STPG2: variants seen among roughly 807,000 people sequenced by gnomAD.
The protein encoded by STPG2 is sperm tail PG-rich repeat containing 2, also known as sperm-tail PG-rich repeat-containing protein 2.
A neutral mutation model predicts 54.2 loss-of-function variants in STPG2; 56 were observed. The ratio of observed to expected loss-of-function variants is 1.03; its 90% CI spans 0.83 to 1.29. STPG2 has a LOEUF of 1.29. Among genes scored for constraint, STPG2 ranks in the 50% most tolerant of loss-of-function variants. The pLI is 0.00. For synonymous variants in STPG2, 200 were observed against 181.8 expected, an observed-to-expected ratio of 1.10 and a Z score of -0.81; for missense variants, 596 against 544.9, an observed-to-expected ratio of 1.09 and a Z score of -0.93.
intron 9 of STPG2, among the ~76,000 whole-genome samples, chr4:97,797,691 TG>T (rs1289434687): frequency 1.3e-5 from 2 of 152,216 alleles, no homozygotes; most frequent in African/African-American, 4.8e-5. Flanking sequence ...ATCAGGATGT[TG>T]CTGGCCTCAC....
chr4:97,451,638 G>C (rs1041798658), intron 4 of STPG2, among the ~76,000 whole-genome samples: 3 of 152,080 alleles, frequency 2.0e-5, no homozygotes, highest in African/African-American at 7.2e-5. Context: ...AAGATCTAAA[G>C]TATATTTGGA....
At chr4:98,014,407 T>G (rs62318504) in intron 5 of STPG2, among the ~76,000 whole-genome samples, 59,874 of 151,826 alleles carry the variant, frequency 0.39, 12,035 homozygotes, top group Middle Eastern at 0.47. Context: ...TTCCTCTTCA[T>G]GGGTCATGCC....
rs899314205 is a variant in STPG2, at chr4:97,786,415, G to A, written c.1204+54358C>T. 2.0e-5 allele frequency among the ~76,000 whole-genome samples: 3 copies of A among 151,842 alleles called. No individual in the cohort carries two copies. In the South Asian group the frequency reaches 6.2e-4, roughly 32 times the overall value. The stretch of plus-strand genomic sequence containing the variant: ...ACTCTAAAGAGTCGACATTTTTGAT[G>A]TTGTCATAAGTCACATTTTAAATTT... On this transcript the variant is annotated intron_variant, in intron 9 of 10. Transcript: ENST00000295268.
chr4:97,597,442 A>C (rs1733328253), intron 10 of STPG2, among the ~76,000 whole-genome samples: 1 of 152,136 alleles, frequency 6.6e-6, no homozygotes, highest in African/African-American at 2.4e-5. Context: ...AAAACCTGGC[A>C]GAGATTCAAC....
intron 4 of STPG2, among the ~76,000 whole-genome samples, chr4:97,519,293 A>G (rs1434411024): frequency 6.6e-6 from 1 of 152,046 alleles, no homozygotes; most frequent in East Asian, 1.9e-4. Flanking sequence ...ATCATCTCTG[A>G]TAAGTGTGAG....
At chr4:97,662,269 T>C (rs1722395366) in intron 10 of STPG2, among the ~76,000 whole-genome samples, 1 of 151,636 alleles carries the variant, frequency 6.6e-6, no homozygotes, top group Non-Finnish European at 1.5e-5. Context: ...CCAACAAACA[T>C]GAAAAAAATG....
intron 10 of STPG2, among the ~76,000 whole-genome samples, chr4:97,594,767 C>T (rs538260927): frequency 2.0e-5 from 3 of 152,128 alleles, no homozygotes; most frequent in Non-Finnish European, 4.4e-5. Context: ...TCAAAGGGAA[C>T]CCCATCAGGT....
chr4:97,701,161 C>T (rs997828600), intron 10 of STPG2, among the ~76,000 whole-genome samples: 2 of 152,100 alleles, frequency 1.3e-5, no homozygotes, highest in Non-Finnish European at 1.5e-5. Context: ...TTTGGCCTTT[C>T]CCACCATAGT....
intron 4 of STPG2, among the ~76,000 whole-genome samples, chr4:97,447,550 A>C (rs1729255527): frequency 6.6e-6 from 1 of 151,636 alleles, no homozygotes; most frequent in African/African-American, 2.4e-5. Flanking sequence ...TATGACCCAG[A>C]TGCTTCAGCT....
intron 8 of STPG2, among the ~76,000 whole-genome samples, chr4:97,865,915 T>C (rs1159242973): frequency 6.6e-6 from 1 of 151,790 alleles, no homozygotes; most frequent in Non-Finnish European, 1.5e-5. Flanking sequence ...TAGGTAGCCA[T>C]AAAAAAGTGT....
At chr4:98,117,120 G>T (rs533066217) in intron 3 of STPG2, among the ~76,000 whole-genome samples, 22 of 151,924 alleles carry the variant, frequency 1.4e-4, no homozygotes, top group African/African-American at 4.8e-4. Context: ...TTCTTTTAGG[G>T]GGTGTGCCAG....
At chr4:97,918,079 A>C (rs57210463) in intron 8 of STPG2, among the ~76,000 whole-genome samples, 7,427 of 152,088 alleles carry the variant, frequency 0.049, 322 homozygotes, top group South Asian at 0.17. Flanking sequence ...ATAAAAAAAA[A>C]CCTAAATCTC....
chr4:97,671,861 A>AT (rs1034664839), intron 10 of STPG2, among the ~76,000 whole-genome samples: 9 of 152,184 alleles, frequency 5.9e-5, no homozygotes, highest in African/African-American at 1.2e-4. Context: ...ACCCTGAAGA[A>AT]TTTTTTTTAT....
rs148636725 is a variant in STPG2 at position 97,708,498 on chromosome 4, G to A, written c.1320+4201C>T. On this transcript the variant is annotated intron_variant, in intron 10 of 10. Coordinates refer to ENST00000295268, the MANE Select transcript of STPG2 (RefSeq NM_174952.3). ...TAGAGGTATTAGGCTTAAATAGGAA[G>A]CAAGCCTTGTTTGCCAGTGATTCTA... is the stretch of plus-strand genomic sequence containing the variant. Among the ~76,000 whole-genome samples the A allele has an allele frequency of 1.0e-3, 157 of 151,968 alleles. 5 individuals carry two copies. The East Asian group carries it at 0.028, about 27-fold the overall frequency.
intron 9 of STPG2, among the ~76,000 whole-genome samples, chr4:97,785,230 T>C (rs891062352): frequency 7.3e-4 from 111 of 152,006 alleles, no homozygotes; most frequent in Non-Finnish European, 4.6e-4. Context: ...GGCATATATT[T>C]AAAAACTGTT....
chr4:97,954,121 T>C (rs916457578), intron 7 of STPG2, among the ~76,000 whole-genome samples: 3 of 152,236 alleles, frequency 2.0e-5, no homozygotes, highest in Non-Finnish European at 2.9e-5. Flanking sequence ...TAATTACTTA[T>C]TGGATGGCTT....
chr4:97,932,905 T>C (rs1578704978), intron 8 of STPG2, among the ~76,000 whole-genome samples: 1 of 152,154 alleles, frequency 6.6e-6, no homozygotes, highest in Non-Finnish European at 1.5e-5. Flanking sequence ...GCTGGATCAA[T>C]TGGTATTCCT....
chr4:97,840,156 TTC>T (rs1354975482), intron 9 of STPG2, among the ~76,000 whole-genome samples: 1 of 151,588 alleles, frequency 6.6e-6, no homozygotes, highest in Non-Finnish European at 1.5e-5. Context: ...TTAATATAGC[TTC>T]TTTCTTTATA....
intron 8 of STPG2, among the ~76,000 whole-genome samples, chr4:97,856,490 C>A (rs975526974): frequency 3.3e-5 from 5 of 151,970 alleles, no homozygotes; most frequent in African/African-American, 4.8e-5. Context: ...GGAATGCTGG[C>A]AATTTTTGCA....
Sources: allele counts gnomAD v4.1 joint callset (sites outside exome capture counted in the v4.1 genomes callset), GRCh38; gene constraint gnomAD v4.1.1; transcripts MANE v1.5; gene names NCBI Gene and HGNC (gene_info 2026-07-23, HGNC 2026-07-21).